The following EML6 variants were observed in gnomAD, a reference collection of about 807,000 sequenced individuals.
EML6 encodes echinoderm microtubule-associated protein-like 6.
A neutral mutation model predicts 240.1 loss-of-function variants in EML6; 154 were observed. That is an observed-to-expected ratio of 0.64 (90% CI 0.56 to 0.73). The LOEUF is 0.73. Ranked by LOEUF, EML6 falls within the 30% of genes least tolerant of loss-of-function variation. The pLI, the probability that EML6 is intolerant of heterozygous loss-of-function variation, is 0.00. For synonymous variants in EML6, 1,148 were observed against 899.0 expected (o/e 1.28, Z -4.95); for missense variants, 2,964 against 2,474.6 (o/e 1.20, Z -4.20).
At chr2:54,789,193 G>A (rs1439220657) in intron 2 of EML6, among the ~76,000 whole-genome samples, 1 of 152,120 alleles carries the variant, frequency 6.6e-6, no homozygotes, top group Admixed American at 6.5e-5. Context: ...TTAATTTTTA[G>A]CAAGTGTTAT....
chr2:54,926,750 T>C (rs1052476392), intron 26 of EML6, among the ~76,000 whole-genome samples: 4 of 152,234 alleles, frequency 2.6e-5, no homozygotes, highest in African/African-American at 9.6e-5. Flanking sequence ...CCTTGTTATA[T>C]CTCTTCAGTG....
chr2:54,850,463 T>A lies in EML6; in HGVS notation c.1444+245T>A, dbSNP rs1670015099. 3 of 427,548 alleles carry A rather than the reference T, an allele frequency of 7.0e-6. No individual in the cohort carries two copies. In the Admixed American group the frequency reaches 1.1e-4, roughly 16 times the overall value. The allele number at this position is 427,548 out of a possible 1,614,324, so 26.5% of individuals were successfully genotyped here. On this transcript the variant is annotated intron_variant, in intron 10 of 41. Transcript: ENST00000356458. ...AAAAGTTGCTGCACAACAAGGGAGA[T>A]CGTGAATGAAATGTAAAGACAAGGC...
chr2:54,823,864 CTCTCTCTCTCTCTTTCTG>C (rs1383694092), intron 5 of EML6, among the ~76,000 whole-genome samples: 5 of 147,826 alleles, frequency 3.4e-5, no homozygotes, highest in African/African-American at 1.0e-4. Context: ...CTCTCTCTCT[CTCTCTCTCTCTCTTTCTG>C]TCTCTCTCTC....
At chr2:54,895,077 A>C in intron 20 of EML6, 51 bp downstream of exon 20, 2 of 1,424,538 alleles carry the variant, frequency 1.4e-6, no homozygotes, top group Non-Finnish European at 1.9e-6. Context: ...AGGGATGGAG[A>C]AGATTGTACT....
chr2:54,826,787 A>G (rs995461508), intron 5 of EML6, among the ~76,000 whole-genome samples: 1 of 152,230 alleles, frequency 6.6e-6, no homozygotes, highest in Non-Finnish European at 1.5e-5. Context: ...AATATAACTC[A>G]TATTTATGAA....
intron 11 of EML6, among the ~76,000 whole-genome samples, chr2:54,857,088 C>G (rs919150268): frequency 6.6e-6 from 1 of 152,106 alleles, no homozygotes; most frequent in Non-Finnish European, 1.5e-5. Context: ...GCAGCATTTA[C>G]AGAGCTGGGA....
intron 29 of EML6, 62 bp downstream of exon 29, chr2:54,949,022 C>G (rs1573201494): frequency 8.3e-7 from 1 of 1,199,686 alleles, no homozygotes; most frequent in Non-Finnish European, 1.2e-6. Context: ...GGTAGACATC[C>G]CCATCTGCAC....
chr2:54,921,149 C>G (rs929946215), intron 26 of EML6, among the ~76,000 whole-genome samples: 1 of 151,854 alleles, frequency 6.6e-6, no homozygotes, highest in Non-Finnish European at 1.5e-5. Flanking sequence ...GCATCCAGAT[C>G]AGAAAGAAAG....
In EML6 at chr2:54,859,713, A is replaced by G. The variant is rs1670575751; in HGVS notation, c.1825+12A>G. On this transcript the variant is annotated intron_variant, in intron 12 of 41. Coordinates refer to ENST00000356458, the MANE Select transcript of EML6 (RefSeq NM_001039753.4). The stretch of plus-strand genomic sequence containing the variant: ...AACTGCACCCCAAGGTAAACCCAGC[A>G]ATAATTTCTTAACATCATTTTATTT... 1.3e-6 allele frequency: 2 copies of G among 1,522,274 alleles called. No individual in the cohort carries two copies. The highest frequency in any genetic ancestry group is 1.4e-5 in the African/African-American group (1 of 71,358). The allele number at this position is 1,522,274 out of a possible 1,614,324, so 94.3% of individuals were successfully genotyped here. A position where few individuals can be genotyped will look rare whatever the true frequency, so the allele number is the denominator to read the frequency against.
intron 17 of EML6, among the ~76,000 whole-genome samples, chr2:54,885,081 C>G (rs558724488): frequency 3.9e-5 from 6 of 152,046 alleles, no homozygotes; most frequent in African/African-American, 1.5e-4. Flanking sequence ...CATCTGAGCC[C>G]GGGAGGCAGA....
chr2:54,761,340 A>G (rs1667973159), intron 2 of EML6, among the ~76,000 whole-genome samples: 1 of 152,192 alleles, frequency 6.6e-6, no homozygotes, highest in South Asian at 2.1e-4. Flanking sequence ...AAAAGCATAA[A>G]TGAAGGTGCT....
At position 54,971,457 on chromosome 2, in the gene EML6, A is replaced by G. The variant is rs1677009045; in HGVS notation, c.*1362A>G. ...CAGTGAACGAAAATTCTAGACCTAC[A>G]GTTACTGGCTACTTGCATTTGTCAG... On this transcript the variant is annotated 3_prime_UTR_variant, in exon 42 of 42. Transcript: ENST00000356458. The G allele has an allele frequency of 6.6e-6, 1 of 152,228 alleles. No individual in the cohort carries two copies. Among genetic ancestry groups the G allele is most frequent in the Non-Finnish European group, 1.5e-5 (1 of 68,044 alleles). 9.4% of individuals were successfully genotyped at this position (152,228 alleles called of 1,614,324 possible).
At chr2:54,754,324 A>G (rs1355731625) in intron 2 of EML6, among the ~76,000 whole-genome samples, 1 of 152,028 alleles carries the variant, frequency 6.6e-6, no homozygotes, top group Admixed American at 6.5e-5. Flanking sequence ...ATTTTCGTTC[A>G]TTGAGACACA....
intron 23 of EML6, 48 bp downstream of exon 23, chr2:54,903,244 A>C: frequency 3.3e-6 from 5 of 1,531,722 alleles, no homozygotes; most frequent in Non-Finnish European, 4.4e-6. Flanking sequence ...TCTTGGGACA[A>C]AAAATTACAA....
chr2:54,862,710 A>G (rs1045094501), intron 12 of EML6, among the ~76,000 whole-genome samples: 3 of 152,242 alleles, frequency 2.0e-5, no homozygotes, highest in African/African-American at 7.2e-5. Flanking sequence ...GATGTACCCC[A>G]AGAAACATCT....
intron 2 of EML6, among the ~76,000 whole-genome samples, chr2:54,797,256 G>A (rs915651998): frequency 1.3e-5 from 2 of 150,436 alleles, no homozygotes; most frequent in African/African-American, 2.4e-5. Flanking sequence ...CCCACCTGTT[G>A]AGGATGGATG....
At position 54,957,947 on chromosome 2, in the gene EML6, G is replaced by T. The variant is rs375286045; in HGVS notation, c.4644G>T (p.Gly1548=). Residue 1548 remains glycine (G), a synonymous_variant, in exon 33 of 42, where the codon GGG becomes GGT. Transcript: ENST00000356458. The part of the protein sequence containing the change: ...SALLYKKGVI[G]SLGAAKMQTM... ...TGCTTTACAAGAAAGGGGTCATCGG[G>T]TCCCTGGGAGCTGCCAAAATGCAGA... The T allele has an allele frequency of 1.9e-6, 3 of 1,551,508 alleles. No individual in the cohort carries two copies. The highest frequency in any genetic ancestry group is 1.4e-5 in the African/African-American group (1 of 73,038).
intron 8 of EML6, 72 bp from the exon 9 acceptor site, chr2:54,847,414 T>A: frequency 6.7e-7 from 1 of 1,497,784 alleles, no homozygotes; most frequent in Non-Finnish European, 9.0e-7. Context: ...TGAGCAGCCC[T>A]TCTTGCCTTG....
intron 5 of EML6, among the ~76,000 whole-genome samples, chr2:54,824,243 C>T (rs543901902): frequency 6.6e-6 from 1 of 152,134 alleles, no homozygotes; most frequent in Non-Finnish European, 1.5e-5. Context: ...AATTCTGAAA[C>T]TTTATTTGAA....
Sources: gnomAD v4.1 joint callset for allele counts (sites outside exome capture counted in the v4.1 genomes callset) on GRCh38, gnomAD v4.1.1 for gene constraint, MANE v1.5 for transcripts, NCBI Gene and HGNC (gene_info 2026-07-23, HGNC 2026-07-21) for gene names.